The following MITF variants were observed in gnomAD, a reference collection of about 807,000 sequenced individuals.
MITF encodes the protein microphthalmia-associated transcription factor.
A neutral mutation model predicts 60.5 loss-of-function variants in MITF; 17 were observed. The observed-to-expected ratio is 0.28, with a 90% CI of 0.19 to 0.42. MITF has a LOEUF of 0.42. Ranked by LOEUF, MITF falls within the 10% of genes least tolerant of loss-of-function variation. The pLI is 1.00. For missense variants in MITF, 622 were observed against 683.5 expected (o/e 0.91, Z 1.00); for synonymous variants, 260 against 248.5 (o/e 1.05, Z -0.43).
intron 1 of MITF, among the ~76,000 whole-genome samples, chr3:69,850,745 A>G (rs936641553): frequency 6.6e-6 from 1 of 152,198 alleles, no homozygotes; most frequent in Non-Finnish European, 1.5e-5. Context: ...ACAGTGGCTC[A>G]GGCTCCCCAG....
At chr3:69,813,700 T>G (rs2063136843) in intron 1 of MITF, among the ~76,000 whole-genome samples, 1 of 152,232 alleles carries the variant, frequency 6.6e-6, no homozygotes, top group African/African-American at 2.4e-5. Context: ...CCGTTCTTTT[T>G]AACAACTGAC....
intron 1 of MITF, among the ~76,000 whole-genome samples, chr3:69,860,345 G>A (rs1575832570): frequency 6.6e-6 from 1 of 152,006 alleles, no homozygotes; most frequent in Non-Finnish European, 1.5e-5. Flanking sequence ...GGTGGCTCAC[G>A]CCTGTAATCC....
chr3:69,942,079 G>A (rs1347361874), intron 5 of MITF, among the ~76,000 whole-genome samples: 1 of 152,078 alleles, frequency 6.6e-6, no homozygotes, highest in East Asian at 1.9e-4. Context: ...GTCTTTGAAT[G>A]CCTTCTCCAA....
chr3:69,939,128 G>T lies in MITF; in HGVS notation c.613G>T (p.Ala205Ser), dbSNP rs749957296. 3 of 1,614,124 alleles carry T rather than the reference G, an allele frequency of 1.9e-6. No individual in the cohort carries two copies. The highest frequency in any genetic ancestry group is 2.5e-6 in the Non-Finnish European group (3 of 1,180,018). The stretch of plus-strand genomic sequence containing the variant: ...TTATAAGTTTGAAGAGCAAAACAGG[G>T]CAGAGAGCGAGTGCCCAGGCATGAA... ...GFYKFEEQNR[A>S]ESECPGMNTH... Residue 205 changes from alanine (A) to serine (S), a missense_variant, in exon 4 of 10, where the codon GCA (alanine) becomes TCA (serine). Physicochemically the swap from Ala to Ser is moderately conservative, Grantham distance 99. This residue lies in a region of MITF where 215 missense variants were observed against 224.8 expected (regional missense o/e 0.96). Transcript: ENST00000352241.
intron 1 of MITF, among the ~76,000 whole-genome samples, chr3:69,841,555 G>A (rs1446107148): frequency 6.6e-6 from 1 of 152,204 alleles, no homozygotes; most frequent in Non-Finnish European, 1.5e-5. Flanking sequence ...AAAGGTTGCA[G>A]CTGTGCCAAA....
At chr3:69,892,046 A>G (rs1352503265) in intron 2 of MITF, among the ~76,000 whole-genome samples, 1 of 152,216 alleles carries the variant, frequency 6.6e-6, no homozygotes, top group African/African-American at 2.4e-5. Context: ...GTCCACAAAT[A>G]TTTGTAAATT....
chr3:69,836,176 G>GAGAT (rs1319241975), intron 1 of MITF, among the ~76,000 whole-genome samples: 8 of 152,042 alleles, frequency 5.3e-5, no homozygotes, highest in Non-Finnish European at 1.2e-4. Context: ...TTTCATTGTA[G>GAGAT]AGATCTTTTA....
intron 1 of MITF, among the ~76,000 whole-genome samples, chr3:69,824,867 A>G (rs9858495): frequency 0.34 from 51,737 of 152,092 alleles, 9,811 homozygotes; most frequent in Non-Finnish European, 0.43. Flanking sequence ...GATGGATTCC[A>G]GTAAGCTCCA....
chr3:69,812,737 TTGCA>T lies in MITF; in HGVS notation c.105-66395_105-66392del, dbSNP rs373237810. 2.0e-4 allele frequency among the ~76,000 whole-genome samples: 31 copies of T among 152,334 alleles called. No homozygotes were observed. In the East Asian group the frequency reaches 3.5e-3, roughly 17 times the overall value. On this transcript the variant is annotated intron_variant, in intron 1 of 9. Transcript: ENST00000352241. ...TGATAAAGTTACTGATTTTCTTTCT[TTGCA>T]TTCAGCAAAGAACAAGAATTAGGGC...
chr3:69,758,041 G>GTC (rs1249246228), intron 1 of MITF, among the ~76,000 whole-genome samples: 2 of 125,646 alleles, frequency 1.6e-5, no homozygotes, highest in East Asian at 5.2e-4. Flanking sequence ...GTGTGTGTGT[G>GTC]TCTATATATA....
chr3:69,742,071 G>T (rs1703547539), intron 1 of MITF, among the ~76,000 whole-genome samples: 1 of 152,110 alleles, frequency 6.6e-6, no homozygotes. Context: ...CTACCACTTT[G>T]GTCCAAGCCA....
chr3:69,841,056 T>A (rs2063628109), intron 1 of MITF, among the ~76,000 whole-genome samples: 1 of 152,192 alleles, frequency 6.6e-6, no homozygotes, highest in African/African-American at 2.4e-5. Flanking sequence ...ACACCAGGCC[T>A]CTAAACTGCT....
chr3:69,944,241 T>C (rs1180273627), intron 5 of MITF, among the ~76,000 whole-genome samples: 1 of 152,150 alleles, frequency 6.6e-6, no homozygotes. Flanking sequence ...ATATGCCTAA[T>C]AGGTGGCCAG....
At chr3:69,797,323 T>A (rs1297972371) in intron 1 of MITF, among the ~76,000 whole-genome samples, 1 of 152,322 alleles carries the variant, frequency 6.6e-6, no homozygotes, top group East Asian at 1.9e-4. Context: ...TTTGTCTCGA[T>A]GGAAATTTCT....
chr3:69,801,541 C>T (rs940696334), intron 1 of MITF, among the ~76,000 whole-genome samples: 3 of 152,020 alleles, frequency 2.0e-5, no homozygotes, highest in Non-Finnish European at 4.4e-5. Context: ...CAAGAGATAT[C>T]AAGGGTTGTG....
At chr3:69,760,540 A>G (rs1302332870) in intron 1 of MITF, among the ~76,000 whole-genome samples, 1 of 152,218 alleles carries the variant, frequency 6.6e-6, no homozygotes, top group African/African-American at 2.4e-5. Context: ...AAATCAAGGT[A>G]CAGGTTACTC....
chr3:69,894,701 T>C (rs1371320537), intron 2 of MITF, among the ~76,000 whole-genome samples: 2 of 151,944 alleles, frequency 1.3e-5, no homozygotes, highest in Non-Finnish European at 2.9e-5. Flanking sequence ...ACTACTGTGC[T>C]ATCCTAACTC....
intron 1 of MITF, among the ~76,000 whole-genome samples, chr3:69,742,387 T>G (rs1227156815): frequency 1.3e-5 from 2 of 152,156 alleles, no homozygotes; most frequent in Non-Finnish European, 2.9e-5. Context: ...GTCAAGCAAC[T>G]CTGTGTTAAA....
chr3:69,866,344 T>A, intron 1 of MITF: 1 of 1,613,836 alleles, frequency 6.2e-7, no homozygotes, highest in South Asian at 1.1e-5. Flanking sequence ...AAAGCTTGTA[T>A]CTGTAAGTGA....
Sources: allele counts gnomAD v4.1 joint callset (sites outside exome capture counted in the v4.1 genomes callset), GRCh38; gene constraint gnomAD v4.1.1; regional missense constraint gnomAD v4.1.1; transcripts MANE v1.5; gene names NCBI Gene and HGNC (gene_info 2026-07-23, HGNC 2026-07-21).